The following CXADR variants were observed in gnomAD, a reference collection of about 807,000 sequenced individuals.
CXADR encodes the protein coxsackievirus and adenovirus receptor.
CXADR carries 20 observed loss-of-function variants against 40.3 expected under a neutral mutation model. The observed-to-expected ratio is 0.50, with a 90% CI of 0.35 to 0.72. The LOEUF is 0.72. Ranked by LOEUF, CXADR falls within the 30% of genes least tolerant of loss-of-function variation. The pLI is 0.01. For synonymous variants in CXADR, 150 were observed against 161.3 expected (o/e 0.93, Z 0.53); for missense variants, 332 against 449.1 (o/e 0.74, Z 2.36).
chr21:17,557,532 T>A (rs2123293358), intron 3 of CXADR, among the ~76,000 whole-genome samples: 1 of 152,296 alleles, frequency 6.6e-6, no homozygotes, highest in South Asian at 2.1e-4. Context: ...GACCACACAC[T>A]TGCTCCTTGT....
intron 4 of CXADR, 68 bp from the exon 5 acceptor site, chr21:17,560,634 G>T: frequency 6.7e-7 from 1 of 1,494,988 alleles, no homozygotes; most frequent in Non-Finnish European, 9.2e-7. Context: ...AGAGGACTAT[G>T]TTTACTAACA....
At chr21:17,635,256 G>A in the CXADR span, among the ~76,000 whole-genome samples, 1 of 152,148 alleles carries the variant, frequency 6.6e-6, no homozygotes, top group Non-Finnish European at 1.5e-5. Flanking sequence ...ACATCAGCAG[G>A]TTCCCAGTTC....
chr21:17,573,193 T>A (rs1161704149), downstream of CXADR, among the ~76,000 whole-genome samples: 1 of 152,078 alleles, frequency 6.6e-6, no homozygotes, highest in African/African-American at 2.4e-5. Flanking sequence ...ACATTTCCAT[T>A]TTTTTAAGGA....
intron 1 of CXADR, chr21:17,530,453 G>A (rs7282373): frequency 3.3e-5 from 15 of 454,352 alleles, no homozygotes; most frequent in Non-Finnish European, 2.7e-5. Flanking sequence ...TTATGTGACT[G>A]TATCACAATT....
rs543244824 is a variant in CXADR, at chr21:17,520,526, G to C, written c.43+7354G>C. Among the ~76,000 whole-genome samples, 18 of 152,306 alleles carry C rather than the reference G, an allele frequency of 1.2e-4. No individual in the cohort carries two copies. The South Asian group carries it at 3.3e-3, about 28-fold the overall frequency. ...TTGGTGGGAGCTGACAGGTCTGTCAGGTTATGCACCCTAACCCCACGGTAC... is the reference window on the plus strand; with the variant it reads ...TTGGTGGGAGCTGACAGGTCTGTCACGTTATGCACCCTAACCCCACGGTAC... On this transcript the variant is annotated intron_variant, in intron 1 of 6. Coordinates refer to ENST00000284878, the MANE Select transcript of CXADR (RefSeq NM_001338.5).
chr21:17,608,915 C>A, the CXADR span: 3 of 1,545,250 alleles, frequency 1.9e-6, no homozygotes, highest in Admixed American at 3.9e-5. Flanking sequence ...AATCATCCGG[C>A]CTTGAACCCA....
chr21:17,631,245 G>A, the CXADR span, among the ~76,000 whole-genome samples: 1 of 152,056 alleles, frequency 6.6e-6, no homozygotes, highest in African/African-American at 2.4e-5. Flanking sequence ...AAAATTCAGT[G>A]GTAAATAGGT....
chr21:17,589,050 TTTTC>T (rs1321173129), intron 7 of CXADR, among the ~76,000 whole-genome samples: 5 of 152,046 alleles, frequency 3.3e-5, no homozygotes, highest in African/African-American at 9.7e-5. Context: ...TTTCTTTCAC[TTTTC>T]TTTTTTGCAT....
downstream of CXADR, among the ~76,000 whole-genome samples, chr21:17,595,713 C>T (rs1455684524): frequency 6.6e-6 from 1 of 151,826 alleles, no homozygotes; most frequent in African/African-American, 2.4e-5. Flanking sequence ...ACACAACGAA[C>T]AAAACAATGC....
intron 1 of CXADR, among the ~76,000 whole-genome samples, chr21:17,534,633 A>C (rs981255642): frequency 2.6e-5 from 4 of 152,146 alleles, no homozygotes; most frequent in African/African-American, 9.7e-5. Context: ...AGAGTATCTC[A>C]GTGACTTGCT....
At chr21:17,534,007 AATAT>A (rs5842646) in intron 1 of CXADR, among the ~76,000 whole-genome samples, 4,085 of 87,856 alleles carry the variant, frequency 0.046, 273 homozygotes, top group African/African-American at 0.13. Context: ...CTTTCTCAGC[AATAT>A]ATATATATAT....
Position 17,566,237 on chromosome 21 carries a change from AAC to A in CXADR, c.*548_*549del, listed in dbSNP as rs1266209030. 3.1e-6 allele frequency: 3 copies of A among 979,042 alleles called. No individual in the cohort carries two copies. In the East Asian group the frequency reaches 3.4e-4, roughly 111 times the overall value. 60.6% of individuals were successfully genotyped at this position (979,042 alleles called of 1,614,324 possible). ...TTGGAATATCTCTAAAAACATAGAA[AAC>A]ACTACAGTGGTTTAGAAATTACTAA... On this transcript the variant is annotated 3_prime_UTR_variant, in exon 7 of 7. Transcript: ENST00000284878.
intron 7 of CXADR, among the ~76,000 whole-genome samples, chr21:17,582,616 CAT>C (rs1171589780): frequency 6.6e-6 from 1 of 152,334 alleles, no homozygotes. Flanking sequence ...CTGTTCAACA[CAT>C]AAACTCTCAG....
the CXADR span, among the ~76,000 whole-genome samples, chr21:17,619,352 G>A: frequency 6.6e-6 from 1 of 151,784 alleles, no homozygotes; most frequent in Middle Eastern, 3.4e-3. Flanking sequence ...TTCAAGACCA[G>A]GAGTTCAAGA....
chr21:17,629,861 A>G, the CXADR span, among the ~76,000 whole-genome samples: 6 of 152,210 alleles, frequency 3.9e-5, no homozygotes, highest in African/African-American at 1.2e-4. Flanking sequence ...AACAAAGTGG[A>G]GAGTGATAAA....
intron 1 of CXADR, 31 bp downstream of exon 1, chr21:17,513,203 C>A: frequency 7.4e-7 from 1 of 1,350,246 alleles, no homozygotes; most frequent in Middle Eastern, 2.1e-4. Flanking sequence ...CCTCAGCACC[C>A]GCCCAGCCCG....
intron 1 of CXADR, among the ~76,000 whole-genome samples, chr21:17,520,996 A>G (rs571580231): frequency 2.6e-4 from 39 of 152,308 alleles, no homozygotes; most frequent in Non-Finnish European, 4.3e-4. Flanking sequence ...ATTTCAGGAA[A>G]GAGACAGACA....
chr21:17,549,770 A>G (rs1229560563), intron 2 of CXADR, among the ~76,000 whole-genome samples: 1 of 152,206 alleles, frequency 6.6e-6, no homozygotes, highest in Non-Finnish European at 1.5e-5. Flanking sequence ...GTGGAGCATA[A>G]TGAGCTATTG....
the CXADR span, among the ~76,000 whole-genome samples, chr21:17,622,099 T>A: frequency 6.6e-6 from 1 of 151,784 alleles, no homozygotes; most frequent in Non-Finnish European, 1.5e-5. Context: ...TGAGGCAGAG[T>A]CACTCCTTTA....
Sources: allele counts gnomAD v4.1 joint callset (sites outside exome capture counted in the v4.1 genomes callset), GRCh38; gene constraint gnomAD v4.1.1; transcripts MANE v1.5; gene names NCBI Gene and HGNC (gene_info 2026-07-23, HGNC 2026-07-21).